VEPH1: variants seen among roughly 807,000 people sequenced by gnomAD.
VEPH1 encodes the protein ventricular zone-expressed PH domain-containing protein homolog 1.
A neutral mutation model predicts 85.2 loss-of-function variants in VEPH1; 80 were observed. That is an observed-to-expected ratio of 0.94 (90% CI 0.78 to 1.13). VEPH1 has a LOEUF of 1.13. Among genes scored for constraint, VEPH1 ranks in the 50% most tolerant of loss-of-function variants. The pLI is 0.00. For synonymous variants in VEPH1, 297 were observed against 348.0 expected (o/e 0.85, Z 1.63); for missense variants, 955 against 980.5 (o/e 0.97, Z 0.35).
intron 3 of VEPH1, among the ~76,000 whole-genome samples, chr3:157,468,336 G>T (rs1188673787): frequency 6.6e-6 from 1 of 152,136 alleles, no homozygotes; most frequent in Non-Finnish European, 1.5e-5. Context: ...TAAGAATTGT[G>T]TAAAAAAAAT....
chr3:157,476,513 C>A (rs1275806054), intron 2 of VEPH1, among the ~76,000 whole-genome samples: 1 of 144,794 alleles, frequency 6.9e-6, no homozygotes, highest in East Asian at 2.2e-4. Context: ...CTATCACATA[C>A]CATAACTTCT....
At chr3:157,346,789 ATTT>A in intron 9 of VEPH1, among the ~76,000 whole-genome samples, 1 of 151,904 alleles carries the variant, frequency 6.6e-6, no homozygotes, top group Non-Finnish European at 1.5e-5. Context: ...TTAAAAATTT[ATTT>A]TTGGTAGAGA....
intron 4 of VEPH1, chr3:157,442,977 T>C (rs1210126593): frequency 1.3e-6 from 2 of 1,588,676 alleles, no homozygotes; most frequent in Admixed American, 1.8e-5. Context: ...GTATGTTTCA[T>C]AAATGTTGTG....
intron 7 of VEPH1, among the ~76,000 whole-genome samples, chr3:157,367,240 G>C (rs1726810232): frequency 6.6e-6 from 1 of 152,132 alleles, no homozygotes; most frequent in South Asian, 2.1e-4. Context: ...TAGAGGCTAG[G>C]CTTGAAAATG....
chr3:157,452,538 T>C (rs546411378), intron 4 of VEPH1, among the ~76,000 whole-genome samples: 2 of 152,250 alleles, frequency 1.3e-5, no homozygotes, highest in South Asian at 4.2e-4. Context: ...AGTGAGTGAG[T>C]TCCCTGGCAA....
At chr3:157,386,607 T>C (rs1053369019) in intron 6 of VEPH1, among the ~76,000 whole-genome samples, 5 of 152,178 alleles carry the variant, frequency 3.3e-5, no homozygotes, top group African/African-American at 1.2e-4. Flanking sequence ...TAGTGGTATC[T>C]GGTGGGTAGA....
At chr3:157,351,417 C>A (rs956228188) in intron 9 of VEPH1, among the ~76,000 whole-genome samples, 7 of 152,116 alleles carry the variant, frequency 4.6e-5, no homozygotes, top group Non-Finnish European at 7.4e-5. Context: ...TGGTCTCAAA[C>A]TCCTGGCCTC....
At position 157,363,345 on chromosome 3, in the gene VEPH1, G is replaced by C; in HGVS notation, c.1735+19C>G. 1.9e-6 allele frequency: 3 copies of C among 1,552,208 alleles called. No individual in the cohort carries two copies. The highest frequency in any genetic ancestry group is 2.6e-6 in the Non-Finnish European group (3 of 1,154,096). On this transcript the variant is annotated intron_variant, in intron 9 of 13. Coordinates refer to ENST00000362010, the MANE Select transcript of VEPH1 (RefSeq NM_001167912.2). ...TGACTCCTGAAGTTTCTCAGGTTTG[G>C]GAAGTACACAACACTTACCTTCAAT... is the stretch of plus-strand genomic sequence containing the variant.
chr3:157,491,378 G>A (rs1014996896), intron 2 of VEPH1, among the ~76,000 whole-genome samples: 17 of 152,252 alleles, frequency 1.1e-4, no homozygotes, highest in Admixed American at 3.3e-4. Context: ...TGGGAGGAAA[G>A]CCAAGTTAGT....
At chr3:157,367,654 AT>A (rs754908110) in intron 7 of VEPH1, among the ~76,000 whole-genome samples, 4 of 152,178 alleles carry the variant, frequency 2.6e-5, no homozygotes, top group Non-Finnish European at 4.4e-5. Context: ...GATATTGAGC[AT>A]TATATAAATG....
rs142130755 is a variant in VEPH1, at chr3:157,360,655, C to T, written c.1735+2709G>A. Among the ~76,000 whole-genome samples, 44 of 152,134 alleles carry T rather than the reference C, an allele frequency of 2.9e-4. 1 individual carries two copies. In the East Asian group the frequency reaches 7.7e-3, roughly 27 times the overall value. ...CCTAGCCTAGCCTACCTTAAATGTG[C>T]TCAGAATACATACATTTGTCTACAG... On this transcript the variant is annotated intron_variant, in intron 9 of 13. Coordinates refer to ENST00000362010, the MANE Select transcript of VEPH1 (RefSeq NM_001167912.2).
intron 1 of VEPH1, among the ~76,000 whole-genome samples, chr3:157,496,809 T>C (rs1351724573): frequency 1.3e-5 from 2 of 152,202 alleles, no homozygotes; most frequent in Non-Finnish European, 2.9e-5. Context: ...AAGCTATCTG[T>C]AGTATTGTAA....
intron 2 of VEPH1, among the ~76,000 whole-genome samples, chr3:157,494,596 T>A (rs1223669939): frequency 6.6e-6 from 1 of 152,110 alleles, no homozygotes. Context: ...GGACTAATAA[T>A]GGGTGGGTGG....
intron 2 of VEPH1, among the ~76,000 whole-genome samples, chr3:157,475,883 T>C (rs569855417): frequency 1.3e-5 from 2 of 152,204 alleles, no homozygotes; most frequent in South Asian, 4.1e-4. Context: ...CTTGGCTGAA[T>C]GGCCAAGGGC....
At chr3:157,328,271 A>G (rs1722145203) in intron 9 of VEPH1, among the ~76,000 whole-genome samples, 1 of 152,204 alleles carries the variant, frequency 6.6e-6, no homozygotes. Context: ...GGCACAGAGC[A>G]TGTGTTTAAT....
At chr3:157,288,029 G>C (rs1717004190) in intron 11 of VEPH1, among the ~76,000 whole-genome samples, 1 of 152,254 alleles carries the variant, frequency 6.6e-6, no homozygotes, top group Non-Finnish European at 1.5e-5. Flanking sequence ...GGGCAGGGCA[G>C]AGAGGTTCTG....
chr3:157,378,318 A>G (rs1357027569), intron 7 of VEPH1, among the ~76,000 whole-genome samples: 4 of 11,886 alleles, frequency 3.4e-4, no homozygotes, highest in Middle Eastern at 0.019. Context: ...ATATATATAT[A>G]TATATATATA....
chr3:157,290,851 C>T (rs1242124314), intron 11 of VEPH1, among the ~76,000 whole-genome samples: 2 of 152,142 alleles, frequency 1.3e-5, no homozygotes, highest in Non-Finnish European at 2.9e-5. Context: ...ATTTGGAAAA[C>T]TCTATAATAA....
intron 3 of VEPH1, 58 bp downstream of exon 3, chr3:157,470,256 A>G (rs1456113): frequency 0.61 from 916,099 of 1,506,304 alleles, 281,124 homozygotes; most frequent in African/African-American, 0.79. Flanking sequence ...CAGACATCAC[A>G]GGTTCACCTA....
Sources: gnomAD v4.1 joint callset for allele counts (sites outside exome capture counted in the v4.1 genomes callset) on GRCh38, gnomAD v4.1.1 for gene constraint, MANE v1.5 for transcripts, NCBI Gene and HGNC (gene_info 2026-07-23, HGNC 2026-07-21) for gene names.